Variants in PIEZO2 observed in about 807,000 individuals in gnomAD.
The protein encoded by PIEZO2 is piezo type mechanosensitive ion channel component 2.
Under a neutral mutation model 337.3 loss-of-function variants are expected in PIEZO2, and 172 were observed. The observed-to-expected ratio is 0.51, with a 90% confidence interval of 0.45 to 0.58. The LOEUF is 0.58. Ranked by LOEUF, PIEZO2 falls within the 20% of genes least tolerant of loss-of-function variation. The pLI is 0.00. For synonymous variants in PIEZO2, 1,251 were observed against 1,228.5 expected (o/e 1.02, Z -0.38); for missense variants, 3,028 against 3,391.3 (o/e 0.89, Z 2.66).
rs1230151865 is a variant in PIEZO2 at position 10,784,164 on chromosome 18, G to A, written c.2492+620C>T. ...GAAGGATTTGTGATAACCCATTGTG[G>A]TTTGAATAAATACGGGCAGGAAAAG... On this transcript the variant is annotated intron_variant, in intron 17 of 55. Coordinates refer to ENST00000674853, the MANE Select transcript of PIEZO2 (RefSeq NM_001378183.1). The surrounding 1 kb of genome is among the most constrained non-coding windows in gnomAD (Gnocchi z 4.5). Among the ~76,000 whole-genome samples, 1 of 152,198 alleles carries A rather than the reference G, an allele frequency of 6.6e-6. No individual in the cohort carries two copies. Among genetic ancestry groups the A allele is most frequent in the South Asian group, 2.1e-4 (1 of 4,836 alleles).
chr18:10,725,138 T>A, intron 36 of PIEZO2: 1 of 1,454,916 alleles, frequency 6.9e-7, no homozygotes, highest in Non-Finnish European at 9.6e-7. Flanking sequence ...CCCATGCCTA[T>A]GGCTGTGCTG....
At position 11,028,219 on chromosome 18, in the gene PIEZO2, CTTTCT is replaced by C. The variant is rs1033233314; in HGVS notation, c.160+37903_160+37907del. Among the ~76,000 whole-genome samples the C allele has an allele frequency of 2.2e-4, 34 of 152,130 alleles. No individual in the cohort carries two copies. Among genetic ancestry groups the C allele is most frequent in the East Asian group, 7.7e-4 (4 of 5,180 alleles). ...GCTAGGCTTTTCTGTACATCGCCTTCTTTCTTTTCTTTTCTTTTCTTCTTCTTCTT... is the reference window on the plus strand; with the variant it reads ...GCTAGGCTTTTCTGTACATCGCCTTCTTTCTTTTCTTTTCTTCTTCTTCTT... On this transcript the variant is annotated intron_variant, in intron 2 of 55. Transcript: ENST00000674853. The surrounding 1 kb of genome is among the most constrained non-coding windows in gnomAD (Gnocchi z 4.8).
At chr18:10,931,022 G>A (rs895470252) in intron 3 of PIEZO2, among the ~76,000 whole-genome samples, 2 of 152,096 alleles carry the variant, frequency 1.3e-5, no homozygotes, top group African/African-American at 4.8e-5. Flanking sequence ...ATTCTAGACT[G>A]CAATTATAAA....
At position 10,724,161 on chromosome 18, in the gene PIEZO2, A is replaced by G. The variant is rs2036432791; in HGVS notation, c.5030-5902T>C. Among the ~76,000 whole-genome samples the G allele has an allele frequency of 6.6e-6, 1 of 152,168 alleles. No homozygotes were observed. The highest frequency in any genetic ancestry group is 6.5e-5 in the Admixed American group (1 of 15,282). On this transcript the variant is annotated intron_variant, in intron 36 of 55. Transcript: ENST00000674853. This position sits in a 1 kb window ranked among gnomAD's most constrained non-coding sequence, Gnocchi z 5.8. ...TCCTTGCCTTCAGGAGCTCAGGCTT[A>G]GAGGATTCCAGTAACCACCATCTAG...
At chr18:11,041,077 T>A (rs890197149) in intron 2 of PIEZO2, among the ~76,000 whole-genome samples, 8 of 152,142 alleles carry the variant, frequency 5.3e-5, no homozygotes, top group Non-Finnish European at 1.2e-4. Flanking sequence ...TAGGGCATCC[T>A]CTGAAAACGG....
Position 10,964,487 on chromosome 18 carries a change from A to T in PIEZO2, c.286+15048T>A, listed in dbSNP as rs146317778. 4.0e-3 allele frequency among the ~76,000 whole-genome samples: 607 copies of T among 152,370 alleles called. 5 individuals carry two copies. The highest frequency in any genetic ancestry group is 0.013 in the African/African-American group (554 of 41,590). On this transcript the variant is annotated intron_variant, in intron 3 of 55. Transcript: ENST00000674853. ...TATTTATCTTCACTATTTTTAAAAA[A>T]GCATTCGGTTATTTAAAATCTACTA...
chr18:10,671,791 AG>A lies in PIEZO2; in HGVS notation c.8346-13del. 6.3e-7 allele frequency: 1 copy of A among 1,593,658 alleles called. No individual in the cohort carries two copies. The highest frequency in any genetic ancestry group is 8.6e-7 in the Non-Finnish European group (1 of 1,169,466). On this transcript the variant is annotated splice_polypyrimidine_tract_variant and intron_variant, in intron 55 of 55. Coordinates refer to ENST00000674853, the MANE Select transcript of PIEZO2 (RefSeq NM_001378183.1). ...ATAATCCCATAATACTGAAAAAAAC[AG>A]TAAGTAGAAATTGCATACAGCAGTT...
chr18:10,683,120 C>A (rs1327946889), intron 49 of PIEZO2, among the ~76,000 whole-genome samples: 2 of 152,236 alleles, frequency 1.3e-5, no homozygotes, highest in African/African-American at 4.8e-5. Context: ...AAGCTACATG[C>A]AGAACATGGG....
intron 3 of PIEZO2, among the ~76,000 whole-genome samples, chr18:10,944,279 G>T (rs2032887236): frequency 6.6e-6 from 1 of 151,790 alleles, no homozygotes; most frequent in Non-Finnish European, 1.5e-5. Flanking sequence ...GAAGGACAGA[G>T]TTCTACCCTA....
At chr18:11,076,096 T>G (rs2038536603) in intron 1 of PIEZO2, among the ~76,000 whole-genome samples, 1 of 152,328 alleles carries the variant, frequency 6.6e-6, no homozygotes, top group East Asian at 1.9e-4. Context: ...TACAGATATA[T>G]TTCAAATAAG....
rs1369427632 is a variant in PIEZO2 at position 11,070,892 on chromosome 18, C to T, written c.65-4670G>A. Among the ~76,000 whole-genome samples the T allele has an allele frequency of 2.0e-5, 3 of 152,044 alleles. No individual in the cohort carries two copies. The highest frequency in any genetic ancestry group is 1.9e-4 in the East Asian group (1 of 5,174). ...AGGGGACACATCAGGATGCGAGTGG[C>T]GGGTACCCAGACAGGAAGACCAGAT... On this transcript the variant is annotated intron_variant, in intron 1 of 55. Transcript: ENST00000674853. The surrounding 1 kb of genome is among the most constrained non-coding windows in gnomAD (Gnocchi z 4.3).
intron 36 of PIEZO2, chr18:10,725,416 G>A: frequency 5.6e-6 from 9 of 1,603,320 alleles, no homozygotes; most frequent in Non-Finnish European, 6.0e-6. Flanking sequence ...AACCTGACCA[G>A]AGCCCGCCAG....
Position 10,855,675 on chromosome 18 carries a change from G to GT in PIEZO2, c.704-110dup, listed in dbSNP as rs2041685480. ...GTGAATTTCCTTCAAGTGTTTTTAG[G>GT]TTTTTTAAAATAGTAATTTTTAAAA... On this transcript the variant is annotated intron_variant, in intron 6 of 55. Transcript: ENST00000674853. This position sits in a 1 kb window ranked among gnomAD's most constrained non-coding sequence, Gnocchi z 4.9. The GT allele has an allele frequency of 3.3e-6, 3 of 897,710 alleles. No homozygotes were observed. The highest frequency in any genetic ancestry group is 4.9e-6 in the Non-Finnish European group (3 of 616,858). 55.6% of individuals were successfully genotyped at this position (897,710 alleles called of 1,614,324 possible).
intron 30 of PIEZO2, 142 bp from the exon 31 acceptor site, chr18:10,744,373 C>A: frequency 1.7e-6 from 1 of 605,074 alleles, no homozygotes; most frequent in Non-Finnish European, 2.9e-6. Flanking sequence ...GAGCAGGAGT[C>A]AACAAGGCCC....
At position 10,837,327 on chromosome 18, in the gene PIEZO2, T is replaced by C. The variant is rs1490759703; in HGVS notation, c.917+18026A>G. On this transcript the variant is annotated intron_variant, in intron 7 of 55. Transcript: ENST00000674853. The surrounding 1 kb of genome is among the most constrained non-coding windows in gnomAD (Gnocchi z 4.4). The stretch of plus-strand genomic sequence containing the variant: ...TCAAGGGAAGAAAAGAAGTCCCCTG[T>C]GAGGGGAACACAGCATCTTCTGAGA... Among the ~76,000 whole-genome samples the C allele has an allele frequency of 6.6e-6, 1 of 152,208 alleles. No homozygotes were observed. The highest frequency in any genetic ancestry group is 2.4e-5 in the African/African-American group (1 of 41,460).
chr18:10,960,203 A>C, intron 3 of PIEZO2, among the ~76,000 whole-genome samples: 1 of 152,168 alleles, frequency 6.6e-6, no homozygotes, highest in Admixed American at 6.5e-5. Context: ...ATAATTATTA[A>C]TATTGGTTTT....
At chr18:10,840,712 C>T (rs1276159605) in intron 7 of PIEZO2, among the ~76,000 whole-genome samples, 1 of 152,080 alleles carries the variant, frequency 6.6e-6, no homozygotes, top group African/African-American at 2.4e-5. Flanking sequence ...GTCACTTTAA[C>T]AGGCATTCTA....
rs968324322 is a variant in PIEZO2, at chr18:10,870,049, T to C, written c.492+1204A>G. Among the ~76,000 whole-genome samples the C allele has an allele frequency of 2.6e-5, 4 of 152,132 alleles. No individual in the cohort carries two copies. Among genetic ancestry groups the C allele is most frequent in the African/African-American group, 9.7e-5 (4 of 41,414 alleles). ...CACCATCACGCTCAGCTAATTTTTG[T>C]ATTTTTAGTAGAGACAGGGTTTCAC... On this transcript the variant is annotated intron_variant, in intron 5 of 55. Transcript: ENST00000674853. This position sits in a 1 kb window ranked among gnomAD's most constrained non-coding sequence, Gnocchi z 5.3.
rs1332425098 is a variant in PIEZO2 at position 11,110,402 on chromosome 18, T to TC, written c.64+38122dup. Reference sequence around the variant, plus strand: ...ATCATCCCACCCTGGGAGTTGGGCCTCCCCCGCATTCTGGCTGACAGGGCT... The same window carrying TC: ...ATCATCCCACCCTGGGAGTTGGGCCTCCCCCCGCATTCTGGCTGACAGGGCT... On this transcript the variant is annotated intron_variant, in intron 1 of 55. Transcript: ENST00000674853. The surrounding 1 kb of genome is among the most constrained non-coding windows in gnomAD (Gnocchi z 4.2). 6.6e-6 allele frequency among the ~76,000 whole-genome samples: 1 copy of TC among 152,214 alleles called. No homozygotes were observed. The highest frequency in any genetic ancestry group is 1.9e-4 in the East Asian group (1 of 5,202).
Sources: allele counts gnomAD v4.1 joint callset (sites outside exome capture counted in the v4.1 genomes callset), GRCh38; gene constraint gnomAD v4.1.1; non-coding constraint Gnocchi (gnomAD v3.1); transcripts MANE v1.5; gene names NCBI Gene and HGNC (gene_info 2026-07-23, HGNC 2026-07-21).